Variants in CACNA2D3 observed in about 807,000 individuals in gnomAD.
CACNA2D3 encodes the protein calcium voltage-gated channel auxiliary subunit alpha2delta 3, also known as voltage-dependent calcium channel subunit alpha-2/delta-3.
CACNA2D3 carries 60 observed loss-of-function variants against 160.6 expected under a neutral mutation model. The observed-to-expected ratio is 0.37, with a 90% CI of 0.30 to 0.46. CACNA2D3 has a LOEUF of 0.46. Among genes scored for constraint, CACNA2D3 ranks in the 20% least tolerant of loss-of-function variants. CACNA2D3 has a pLI of 1.00. For missense variants in CACNA2D3, 1,205 were observed against 1,365.0 expected, an observed-to-expected ratio of 0.88 and a Z score of 1.85; for synonymous variants, 558 against 492.9, an observed-to-expected ratio of 1.13 and a Z score of -1.75.
chr3:54,838,694 A>G (rs1299402122), intron 16 of CACNA2D3, 46 bp downstream of exon 16: 1 of 1,397,296 alleles, frequency 7.2e-7, no homozygotes, highest in African/African-American at 1.4e-5. Context: ...AGAGATGCCC[A>G]GAGCCTTGTT....
chr3:54,332,850 G>A (rs573400264), intron 3 of CACNA2D3, among the ~76,000 whole-genome samples: 1 of 152,220 alleles, frequency 6.6e-6, no homozygotes, highest in African/African-American at 2.4e-5. Flanking sequence ...GGGTCTTTGG[G>A]TTGGCTACTG....
intron 5 of CACNA2D3, among the ~76,000 whole-genome samples, chr3:54,517,130 C>T (rs73091697): frequency 0.079 from 12,061 of 152,234 alleles, 577 homozygotes; most frequent in South Asian, 0.14. Context: ...GATGAGAAGA[C>T]GCAGGCTCAA....
At chr3:54,358,635 C>G (rs1698690438) in intron 3 of CACNA2D3, among the ~76,000 whole-genome samples, 1 of 152,212 alleles carries the variant, frequency 6.6e-6, no homozygotes, top group Non-Finnish European at 1.5e-5. Flanking sequence ...CAAGGCATCT[C>G]CCTGCTGGCT....
rs1702900484 is a variant in CACNA2D3 at position 54,593,589 on chromosome 3, C to A, written c.963+11712C>A. 2.0e-5 allele frequency among the ~76,000 whole-genome samples: 3 copies of A among 152,192 alleles called. No individual in the cohort carries two copies. The South Asian group carries it at 6.2e-4, about 32-fold the overall frequency. On this transcript the variant is annotated intron_variant, in intron 9 of 37. Transcript: ENST00000474759. ...AGAAAATATTTTAAATAAGTAGTTT[C>A]CTAATATTGAAATTAATAAAAATAT... is the stretch of plus-strand genomic sequence containing the variant.
chr3:54,851,054 G>A (rs920512051), intron 17 of CACNA2D3, among the ~76,000 whole-genome samples: 2 of 152,238 alleles, frequency 1.3e-5, no homozygotes, highest in Non-Finnish European at 2.9e-5. Flanking sequence ...TACGATACGT[G>A]TATCAGTAAC....
chr3:55,042,062 G>C (rs1703969757), intron 35 of CACNA2D3, among the ~76,000 whole-genome samples: 1 of 152,002 alleles, frequency 6.6e-6, no homozygotes, highest in Non-Finnish European at 1.5e-5. Context: ...TTAATTTTAT[G>C]GTCCAGAATA....
In CACNA2D3 at chr3:54,490,982, G is replaced by A. The variant is rs79171588; in HGVS notation, c.382-12510G>A. Among the ~76,000 whole-genome samples, 1,010 of 152,232 alleles carry A rather than the reference G, an allele frequency of 6.6e-3. 9 individuals carry two copies. Among genetic ancestry groups the A allele is most frequent in the African/African-American group, 0.022 (904 of 41,536 alleles). ...GTGAAGGAGTTCACAGTTACTCCAC[G>A]TTACAGATGAGGAGACTGAGGCACA... On this transcript the variant is annotated intron_variant, in intron 4 of 37. Coordinates refer to ENST00000474759, the MANE Select transcript of CACNA2D3 (RefSeq NM_018398.3).
intron 34 of CACNA2D3, among the ~76,000 whole-genome samples, chr3:55,012,552 T>A (rs1057112440): frequency 3.3e-5 from 5 of 151,698 alleles, no homozygotes; most frequent in African/African-American, 1.2e-4. Context: ...GATTCTAGAG[T>A]TTTTACTGAA....
intron 11 of CACNA2D3, among the ~76,000 whole-genome samples, chr3:54,739,773 G>GTGTT (rs1701609263): frequency 1.3e-5 from 2 of 151,210 alleles, no homozygotes; most frequent in African/African-American, 4.9e-5. Context: ...GTGTGTGTGT[G>GTGTT]TGTGTGTGTG....
intron 3 of CACNA2D3, among the ~76,000 whole-genome samples, chr3:54,342,439 T>G (rs62256100): frequency 0.1 from 15,263 of 152,108 alleles, 879 homozygotes; most frequent in East Asian, 0.18. Flanking sequence ...ATTGATGTTG[T>G]TGTATGTGCA....
chr3:54,711,223 T>A, intron 11 of CACNA2D3, among the ~76,000 whole-genome samples: 1 of 152,206 alleles, frequency 6.6e-6, no homozygotes, highest in Non-Finnish European at 1.5e-5. Context: ...GGGTACCATG[T>A]ACGTAAGACT....
intron 3 of CACNA2D3, among the ~76,000 whole-genome samples, chr3:54,323,763 G>A (rs1054255096): frequency 2.0e-5 from 3 of 152,132 alleles, no homozygotes; most frequent in Admixed American, 6.5e-5. Flanking sequence ...ACCGTGCTGG[G>A]CCCCCACCCC....
chr3:54,783,632 A>G (rs1485857246), intron 13 of CACNA2D3, among the ~76,000 whole-genome samples: 1 of 151,842 alleles, frequency 6.6e-6, no homozygotes, highest in Non-Finnish European at 1.5e-5. Context: ...AAATAAAAAT[A>G]AAAATAAAAA....
intron 35 of CACNA2D3, among the ~76,000 whole-genome samples, chr3:55,029,595 T>C (rs1216343005): frequency 6.6e-6 from 1 of 152,138 alleles, no homozygotes; most frequent in East Asian, 1.9e-4. Context: ...CTGATGAGAC[T>C]GTCCTCGATA....
intron 17 of CACNA2D3, among the ~76,000 whole-genome samples, chr3:54,851,908 A>T (rs1479752029): frequency 6.6e-6 from 1 of 152,218 alleles, no homozygotes; most frequent in African/African-American, 2.4e-5. Flanking sequence ...GGCAAGCCAC[A>T]TTGCAGGTGC....
intron 5 of CACNA2D3, among the ~76,000 whole-genome samples, chr3:54,559,396 T>C (rs2106700525): frequency 1.3e-5 from 2 of 152,144 alleles, no homozygotes; most frequent in South Asian, 4.2e-4. Flanking sequence ...AGGTTCAAGC[T>C]ATTTTCCTGT....
At chr3:54,669,254 A>G (rs1204346090) in intron 11 of CACNA2D3, among the ~76,000 whole-genome samples, 2 of 152,180 alleles carry the variant, frequency 1.3e-5, no homozygotes, top group Non-Finnish European at 2.9e-5. Flanking sequence ...CAAACCACAT[A>G]GTCAGTCCTG....
chr3:54,386,077 G>A (rs1302565160), intron 3 of CACNA2D3: 4 of 407,318 alleles, frequency 9.8e-6, no homozygotes, highest in South Asian at 5.4e-5. Flanking sequence ...ATATTAATGT[G>A]TTGAATTTCG....
At chr3:54,918,927 C>T (rs1444283601) in intron 27 of CACNA2D3, 1 of 1,496,300 alleles carries the variant, frequency 6.7e-7, no homozygotes, top group Admixed American at 2.3e-5. Context: ...AATAACAAAG[C>T]CTTGATACAA....
Sources: allele counts gnomAD v4.1 joint callset (sites outside exome capture counted in the v4.1 genomes callset), GRCh38; gene constraint gnomAD v4.1.1; transcripts MANE v1.5; gene names NCBI Gene and HGNC (gene_info 2026-07-23, HGNC 2026-07-21).